The following NTRK3 variants were observed in gnomAD, a reference collection of about 807,000 sequenced individuals.
NTRK3 encodes the protein NT-3 growth factor receptor.
In NTRK3, 24 loss-of-function variants were observed where a neutral mutation model predicts 91.7. That is an observed-to-expected ratio of 0.26 (90% CI 0.19 to 0.37). The LOEUF (loss-of-function observed/expected upper bound fraction) is 0.37. Among genes scored for constraint, NTRK3 ranks in the 10% least tolerant of loss-of-function variants. NTRK3 has a pLI of 1.00. For missense variants in NTRK3, 880 were observed against 1,068.9 expected, an observed-to-expected ratio of 0.82 and a Z score of 2.46; for synonymous variants, 483 against 404.0, an observed-to-expected ratio of 1.20 and a Z score of -2.34.
At chr15:87,954,159 G>A (rs946200225) in intron 14 of NTRK3, among the ~76,000 whole-genome samples, 1 of 151,974 alleles carries the variant, frequency 6.6e-6, no homozygotes, top group Admixed American at 6.6e-5. Flanking sequence ...CAAGGCCCAC[G>A]GCCTGGGTTG....
intron 13 of NTRK3, among the ~76,000 whole-genome samples, chr15:88,090,477 A>G (rs1225876863): frequency 6.6e-6 from 1 of 152,170 alleles, no homozygotes; most frequent in Non-Finnish European, 1.5e-5. Context: ...AAATATATAC[A>G]AAAAGGAGAA....
At chr15:88,036,194 G>T (rs529187924) in intron 13 of NTRK3, among the ~76,000 whole-genome samples, 1 of 151,766 alleles carries the variant, frequency 6.6e-6, no homozygotes, top group Non-Finnish European at 1.5e-5. Flanking sequence ...GCACATACAC[G>T]CACATACACA....
At chr15:87,868,996 A>G (rs1235730241) in exon 19 of NTRK3, 5 of 228,586 alleles carry the variant, frequency 2.2e-5, no homozygotes, top group Non-Finnish European at 4.3e-5. Flanking sequence ...AGCAGGGCTC[A>G]ATGACTTAGG....
intron 10 of NTRK3, 114 bp downstream of exon 10, chr15:88,134,987 C>T (rs2041735709): frequency 4.0e-6 from 5 of 1,260,940 alleles, no homozygotes; most frequent in African/African-American, 1.5e-5. Context: ...TGTTTTGTTG[C>T]CCATGATAAC....
chr15:87,987,964 G>T (rs957385193), intron 14 of NTRK3, among the ~76,000 whole-genome samples: 1 of 152,024 alleles, frequency 6.6e-6, no homozygotes, highest in East Asian at 1.9e-4. Flanking sequence ...AATACTTTAC[G>T]CAGAGACTCC....
intron 14 of NTRK3, among the ~76,000 whole-genome samples, chr15:87,950,477 A>G (rs1213910144): frequency 6.6e-6 from 1 of 152,182 alleles, no homozygotes; most frequent in African/African-American, 2.4e-5. Flanking sequence ...AGAAAAGAAG[A>G]AAGGACAGGA....
At chr15:88,183,562 AG>A in intron 4 of NTRK3, 73 bp from the exon 5 acceptor site, 1 of 1,408,480 alleles carries the variant, frequency 7.1e-7, no homozygotes, top group Non-Finnish European at 1.0e-6. Flanking sequence ...TGAGGCTGGC[AG>A]GGGGTGAGGC....
chr15:88,149,192 G>A (rs1401487933), intron 5 of NTRK3, among the ~76,000 whole-genome samples: 2 of 152,156 alleles, frequency 1.3e-5, no homozygotes, highest in African/African-American at 4.8e-5. Context: ...AAGGGACATG[G>A]CTTTCCCTTC....
chr15:87,966,688 C>T (rs2072827080), intron 14 of NTRK3, among the ~76,000 whole-genome samples: 1 of 152,172 alleles, frequency 6.6e-6, no homozygotes, highest in Non-Finnish European at 1.5e-5. Flanking sequence ...TGGAGGCAAG[C>T]TGAGAGCTGT....
At chr15:87,977,439 C>T (rs372885589) in intron 14 of NTRK3, 1 of 214,284 alleles carries the variant, frequency 4.7e-6, no homozygotes, top group African/African-American at 2.3e-5. Flanking sequence ...AAACACAACG[C>T]CCCATTGTCA....
At chr15:88,090,438 C>T (rs2048914038) in intron 13 of NTRK3, among the ~76,000 whole-genome samples, 1 of 151,302 alleles carries the variant, frequency 6.6e-6, no homozygotes, top group South Asian at 2.1e-4. Flanking sequence ...ACAGCGTGCC[C>T]TAGGCAACGT....
intron 14 of NTRK3, chr15:87,978,993 G>T: frequency 2.6e-6 from 1 of 383,064 alleles, no homozygotes. Context: ...GCTTTCTTGT[G>T]ATGGTTAGGT....
chr15:87,860,864 G>C (rs1596024071), exon 19 of NTRK3: 1 of 218,720 alleles, frequency 4.6e-6, no homozygotes, highest in African/African-American at 2.2e-5. Context: ...ACTATCAATT[G>C]GGATTAAAAT....
intron 5 of NTRK3, among the ~76,000 whole-genome samples, chr15:88,171,938 T>A (rs1221900917): frequency 2.6e-5 from 4 of 152,268 alleles, no homozygotes; most frequent in Admixed American, 2.0e-4. Context: ...GGGTCATACC[T>A]TTCCACAGGC....
intron 17 of NTRK3, among the ~76,000 whole-genome samples, chr15:87,912,074 T>G (rs1335723357): frequency 6.6e-6 from 1 of 152,228 alleles, no homozygotes; most frequent in Non-Finnish European, 1.5e-5. Context: ...TTTCACTGAA[T>G]CTGTGTTACA....
chr15:88,000,049 C>G (rs1370346378), intron 14 of NTRK3, among the ~76,000 whole-genome samples: 1 of 152,156 alleles, frequency 6.6e-6, no homozygotes, highest in Non-Finnish European at 1.5e-5. Context: ...TATCAGACTT[C>G]TTAGTGCTAT....
chr15:88,215,166 G>C (rs1226989592), intron 3 of NTRK3, among the ~76,000 whole-genome samples: 1 of 152,184 alleles, frequency 6.6e-6, no homozygotes, highest in East Asian at 1.9e-4. Flanking sequence ...TTTAGGCCCA[G>C]GAAGTAACTC....
rs1078483 is a variant in NTRK3, at chr15:88,173,352, C to A, written c.395+10066G>T. 9.7e-3 allele frequency among the ~76,000 whole-genome samples: 1,475 copies of A among 152,284 alleles called. 31 individuals are homozygous for A. The highest frequency in any genetic ancestry group is 0.034 in the African/African-American group (1,395 of 41,534). ...CTTTCCCATTCTATAACAGGGTGTG[C>A]CACCTACAGTCATAATCCTGCCCGA... On this transcript the variant is annotated intron_variant, in intron 5 of 18. Coordinates refer to ENST00000394480, the Ensembl canonical transcript of NTRK3.
chr15:88,040,202 G>A (rs920204296), intron 13 of NTRK3, among the ~76,000 whole-genome samples: 2 of 152,226 alleles, frequency 1.3e-5, no homozygotes, highest in African/African-American at 4.8e-5. Context: ...TCTTTGAAGA[G>A]GAATCTCTAT....
Sources: gnomAD v4.1 joint callset for allele counts (sites outside exome capture counted in the v4.1 genomes callset) on GRCh38, gnomAD v4.1.1 for gene constraint, MANE v1.5 for transcripts, NCBI Gene and HGNC (gene_info 2026-07-23, HGNC 2026-07-21) for gene names.